KRAS: variants seen among roughly 807,000 people sequenced by gnomAD.
The protein encoded by KRAS is KRas proto-oncogene, GTPase.
In KRAS, 1 loss-of-function variant was observed where a neutral mutation model predicts 21.0. The observed-to-expected ratio is 0.05, with a 90% confidence interval of 0.02 to 0.23. KRAS has a LOEUF of 0.23. Ranked by LOEUF, KRAS falls within the 10% of genes least tolerant of loss-of-function variation. KRAS has a pLI of 1.00. For synonymous variants in KRAS, 67 were observed against 72.5 expected (o/e 0.92, Z 0.39); for missense variants, 107 against 221.8 (o/e 0.48, Z 3.29).
chr12:25,246,507 C>G (rs1294203954), intron 1 of KRAS, among the ~76,000 whole-genome samples: 1 of 149,648 alleles, frequency 6.7e-6, no homozygotes, highest in East Asian at 2.0e-4. Context: ...GCAGTGAGCC[C>G]AGATCACGCC....
intron 2 of KRAS, among the ~76,000 whole-genome samples, chr12:25,232,921 T>A (rs942854675): frequency 6.6e-6 from 1 of 152,198 alleles, no homozygotes; most frequent in African/African-American, 2.4e-5. Flanking sequence ...GTTCATAGCC[T>A]TTGACATAGT....
rs1195309001 is a variant in KRAS at position 25,219,124 on chromosome 12, AG to A, written c.450+6489del. Among the ~76,000 whole-genome samples, 7 of 151,694 alleles carry A rather than the reference AG, an allele frequency of 4.6e-5. No homozygotes were observed. The South Asian group carries it at 8.3e-4, about 18-fold the overall frequency. ...CAGCTAATTTTTGTATTTTTAGTAGAGGGGGGTTTCACCATATTGCCCAGGC... is the reference window on the plus strand; with the variant it reads ...CAGCTAATTTTTGTATTTTTAGTAGAGGGGGTTTCACCATATTGCCCAGGC... On this transcript the variant is annotated intron_variant, in intron 4 of 4. Coordinates refer to ENST00000311936, the MANE Select transcript of KRAS (RefSeq NM_004985.5).
At chr12:25,214,446 G>A (rs555070501) in intron 4 of KRAS, among the ~76,000 whole-genome samples, 107 of 151,418 alleles carry the variant, frequency 7.1e-4, no homozygotes, top group African/African-American at 2.4e-3. Context: ...GGAGTGCAAT[G>A]GTGCATTCTC....
chr12:25,223,080 A>T (rs921057672), intron 4 of KRAS, among the ~76,000 whole-genome samples: 1 of 152,220 alleles, frequency 6.6e-6, no homozygotes, highest in East Asian at 1.9e-4. Flanking sequence ...ATTTGTATGC[A>T]TAAGAAAATA....
chr12:25,219,639 G>A (rs1399618850), intron 4 of KRAS, among the ~76,000 whole-genome samples: 1 of 152,236 alleles, frequency 6.6e-6, no homozygotes, highest in Non-Finnish European at 1.5e-5. Flanking sequence ...GGAGGAACAA[G>A]ATGTATTCTA....
chr12:25,246,790 GC>G (rs914391211), intron 1 of KRAS, among the ~76,000 whole-genome samples: 1 of 151,118 alleles, frequency 6.6e-6, no homozygotes, highest in African/African-American at 2.4e-5. Context: ...GGTGGCGGGC[GC>G]CTGTAGTCCC....
chr12:25,222,324 T>G (rs1951337332), intron 4 of KRAS, among the ~76,000 whole-genome samples: 1 of 152,176 alleles, frequency 6.6e-6, no homozygotes, highest in African/African-American at 2.4e-5. Context: ...TCTCTACAGT[T>G]ACTCGGAATA....
intron 1 of KRAS, among the ~76,000 whole-genome samples, chr12:25,249,270 A>G (rs986699296): frequency 5.9e-5 from 9 of 152,062 alleles, no homozygotes; most frequent in Admixed American, 3.3e-4. Flanking sequence ...GGCAGCAGAC[A>G]CCTGTAATCC....
At chr12:25,234,530 TGA>T in intron 2 of KRAS, 2 of 184,812 alleles carry the variant, frequency 1.1e-5, no homozygotes, top group African/African-American at 4.7e-5. Context: ...CCAATTTCTT[TGA>T]GGAGTAATAA....
At chr12:25,232,584 T>G (rs1397977609) in intron 2 of KRAS, among the ~76,000 whole-genome samples, 2 of 152,200 alleles carry the variant, frequency 1.3e-5, no homozygotes, top group Non-Finnish European at 2.9e-5. Flanking sequence ...TTAATTAGTA[T>G]TTCCAGCCTT....
chr12:25,230,288 C>T (rs1951448851), intron 2 of KRAS, among the ~76,000 whole-genome samples: 1 of 152,198 alleles, frequency 6.6e-6, no homozygotes, highest in African/African-American at 2.4e-5. Context: ...GTAATATATA[C>T]ATCAAAATGT....
chr12:25,238,828 AT>A, intron 2 of KRAS, among the ~76,000 whole-genome samples: 1 of 152,196 alleles, frequency 6.6e-6, no homozygotes, highest in Non-Finnish European at 1.5e-5. Context: ...GATGATTTCC[AT>A]TTTTTTAAAA....
At chr12:25,212,280 C>G (rs930439845) in intron 4 of KRAS, among the ~76,000 whole-genome samples, 4 of 152,136 alleles carry the variant, frequency 2.6e-5, no homozygotes, top group African/African-American at 9.7e-5. Flanking sequence ...AATGGTAAAG[C>G]AGAAAACAAT....
chr12:25,224,938 T>C (rs986190736), intron 4 of KRAS, among the ~76,000 whole-genome samples: 2 of 152,156 alleles, frequency 1.3e-5, no homozygotes, highest in Non-Finnish European at 2.9e-5. Context: ...ATTTCCTATA[T>C]GTTAAACTCT....
chr12:25,239,319 T>A (rs545967714), intron 2 of KRAS, among the ~76,000 whole-genome samples: 61 of 152,344 alleles, frequency 4.0e-4, no homozygotes, highest in African/African-American at 1.4e-3. Flanking sequence ...CTTCTATCTT[T>A]GTTAAAGAAA....
chr12:25,208,332 T>C lies in KRAS; in HGVS notation c.*1463A>G. 1 of 233,172 alleles carries C rather than the reference T, an allele frequency of 4.3e-6. No homozygotes were observed. Among genetic ancestry groups the C allele is most frequent in the Non-Finnish European group, 8.5e-6 (1 of 117,800 alleles). The allele number at this position is 233,172 out of a possible 1,614,324, so 14.4% of individuals were successfully genotyped here. A position where few individuals can be genotyped will look rare whatever the true frequency, so the allele number is the denominator to read the frequency against. On this transcript the variant is annotated 3_prime_UTR_variant, in exon 5 of 5. Transcript: ENST00000311936. ...ACCTCACCATGCCATCTCACTTCATTTATTTTAAAATAAGTAACATTTTAA... is the reference window on the plus strand; with the variant it reads ...ACCTCACCATGCCATCTCACTTCATCTATTTTAAAATAAGTAACATTTTAA...
rs1951135274 is a variant in KRAS, at chr12:25,206,070, T to C, written c.*3725A>G. ...TTTTGCTGTCTAAAAAAAAATCCCC[T>C]AAAAAAAGTTATATACTGTTTGAAG... On this transcript the variant is annotated 3_prime_UTR_variant, in exon 5 of 5. Coordinates refer to ENST00000311936, the MANE Select transcript of KRAS (RefSeq NM_004985.5). 4.8e-6 allele frequency: 1 copy of C among 208,186 alleles called. No homozygotes were observed. Among genetic ancestry groups the C allele is most frequent in the African/African-American group, 2.3e-5 (1 of 43,776 alleles). 12.9% of individuals were successfully genotyped at this position (208,186 alleles called of 1,614,324 possible).
At chr12:25,228,219 T>C (rs1282076358) in intron 2 of KRAS, among the ~76,000 whole-genome samples, 1 of 143,280 alleles carries the variant, frequency 7.0e-6, no homozygotes, top group African/African-American at 2.6e-5. Flanking sequence ...TAGGGTCTTG[T>C]GTTGCTCAGG....
intron 4 of KRAS, chr12:25,210,731 T>C: frequency 6.6e-6 from 1 of 152,212 alleles, no homozygotes; most frequent in East Asian, 1.9e-4. Context: ...CCAAATATCC[T>C]GTCTTCAAAG....
Sources: gnomAD v4.1 joint callset for allele counts (sites outside exome capture counted in the v4.1 genomes callset) on GRCh38, gnomAD v4.1.1 for gene constraint, MANE v1.5 for transcripts, NCBI Gene and HGNC (gene_info 2026-07-23, HGNC 2026-07-21) for gene names.